The following HS3ST3A1 variants were observed in gnomAD, a reference collection of about 807,000 sequenced individuals.
The protein encoded by HS3ST3A1 is heparan sulfate glucosamine 3-O-sulfotransferase 3A1.
In HS3ST3A1, 19 loss-of-function variants were observed where a neutral mutation model predicts 25.7. That is an observed-to-expected ratio of 0.74 (90% confidence interval 0.52 to 1.08). The LOEUF (loss-of-function observed/expected upper bound fraction) is 1.08. Ranked by LOEUF, HS3ST3A1 falls within the 50% of genes least tolerant of loss-of-function variation. The probability of loss-of-function intolerance (pLI) is 0.00; values close to 1 mark genes in which losing one functional copy is unlikely to be tolerated. For missense variants in HS3ST3A1, 459 were observed against 594.3 expected (o/e 0.77, Z 2.37); for synonymous variants, 226 against 278.6 (o/e 0.81, Z 1.88).
intron 1 of HS3ST3A1, among the ~76,000 whole-genome samples, chr17:13,515,420 A>G (rs1040394805): frequency 6.6e-6 from 1 of 150,884 alleles, no homozygotes; most frequent in African/African-American, 2.4e-5. Context: ...TTCGCCTCCC[A>G]AAGTGCTGGG....
In HS3ST3A1 at chr17:13,600,516, G is replaced by T; in HGVS notation, c.599+15C>A. The T allele has an allele frequency of 6.3e-7, 1 of 1,581,280 alleles. No homozygotes were observed. ...CCCGGATCCTTCAGCCCCAGCCCGG[G>T]CCCGCCCCGCTCACCGGTACCAGGC... On this transcript the variant is annotated intron_variant, in intron 1 of 1. Coordinates refer to ENST00000284110, the MANE Select transcript of HS3ST3A1 (RefSeq NM_006042.3).
chr17:13,552,079 T>TTTGTTA (rs2033843270), intron 1 of HS3ST3A1, among the ~76,000 whole-genome samples: 2 of 151,840 alleles, frequency 1.3e-5, no homozygotes, highest in South Asian at 4.2e-4. Flanking sequence ...AACACTTTAT[T>TTTGTTA]TTTTTATTTT....
At chr17:13,497,491 T>C (rs1256845074) in intron 1 of HS3ST3A1, among the ~76,000 whole-genome samples, 1 of 152,242 alleles carries the variant, frequency 6.6e-6, no homozygotes, top group Non-Finnish European at 1.5e-5. Flanking sequence ...AAATTCTGAC[T>C]TTCTGTTGTT....
chr17:13,556,924 T>C (rs1360844143), intron 1 of HS3ST3A1, among the ~76,000 whole-genome samples: 2 of 151,390 alleles, frequency 1.3e-5, no homozygotes, highest in Non-Finnish European at 2.9e-5. Flanking sequence ...CAGCCATGCT[T>C]GCACATACTT....
intron 1 of HS3ST3A1, among the ~76,000 whole-genome samples, chr17:13,518,141 T>C (rs1818058294): frequency 6.6e-6 from 1 of 152,216 alleles, no homozygotes; most frequent in African/African-American, 2.4e-5. Context: ...GTCTGACTTG[T>C]ACAAATTTAA....
At chr17:13,499,906 G>A (rs1905411302) in intron 1 of HS3ST3A1, among the ~76,000 whole-genome samples, 1 of 152,120 alleles carries the variant, frequency 6.6e-6, no homozygotes, top group Non-Finnish European at 1.5e-5. Flanking sequence ...CTACCTGCAA[G>A]CTTCTTTCTG....
chr17:13,544,993 T>C (rs1907044510), intron 1 of HS3ST3A1, among the ~76,000 whole-genome samples: 2 of 152,176 alleles, frequency 1.3e-5, no homozygotes, highest in African/African-American at 4.8e-5. Flanking sequence ...AGATAACTGT[T>C]TATGAAAAGA....
intron 1 of HS3ST3A1, among the ~76,000 whole-genome samples, chr17:13,508,858 A>C (rs1905769421): frequency 6.6e-6 from 1 of 152,326 alleles, no homozygotes; most frequent in Non-Finnish European, 1.5e-5. Flanking sequence ...GAAAGGTAGG[A>C]ATATGTTGTA....
chr17:13,497,951 T>C (rs1349176385), intron 1 of HS3ST3A1, among the ~76,000 whole-genome samples: 1 of 152,200 alleles, frequency 6.6e-6, no homozygotes, highest in Non-Finnish European at 1.5e-5. Context: ...CAGTTATTAA[T>C]TCCCTGTGAT....
chr17:13,551,066 C>CA (rs3080921), intron 1 of HS3ST3A1, among the ~76,000 whole-genome samples: 24,562 of 123,340 alleles, frequency 0.2, 2,764 homozygotes, highest in African/African-American at 0.28. Context: ...GACTCTGTCT[C>CA]AAAAAAAAAA....
intron 1 of HS3ST3A1, among the ~76,000 whole-genome samples, chr17:13,575,588 G>T (rs1162085850): frequency 2.6e-5 from 4 of 152,142 alleles, no homozygotes; most frequent in East Asian, 1.9e-4. Context: ...AGCTCCTTCT[G>T]CCTGTATCTG....
intron 1 of HS3ST3A1, among the ~76,000 whole-genome samples, chr17:13,516,739 G>A (rs556987422): frequency 2.0e-5 from 3 of 152,216 alleles, no homozygotes; most frequent in Admixed American, 6.5e-5. Context: ...TTTTGGAAAC[G>A]TTTTCTTTCT....
rs1307718403 is a variant in HS3ST3A1, at chr17:13,495,044, T to TGA, written c.*1151_*1152dup. On this transcript the variant is annotated 3_prime_UTR_variant, in exon 2 of 2. Coordinates refer to ENST00000284110, the MANE Select transcript of HS3ST3A1 (RefSeq NM_006042.3). ...AGAGTACTAGCTCCAAAGTTAGAAGTGAGATATTACAAAGAAAGGTAGGTT... is the reference window on the plus strand; with the variant it reads ...AGAGTACTAGCTCCAAAGTTAGAAGTGAGAGATATTACAAAGAAAGGTAGGTT... Among the ~76,000 whole-genome samples, 3 of 152,098 alleles carry TGA rather than the reference T, an allele frequency of 2.0e-5. No individual in the cohort carries two copies.
At chr17:13,516,146 T>C (rs539595479) in intron 1 of HS3ST3A1, among the ~76,000 whole-genome samples, 1 of 152,082 alleles carries the variant, frequency 6.6e-6, no homozygotes, top group Non-Finnish European at 1.5e-5. Context: ...CCGTTGCTAC[T>C]AAAAATACAA....
At chr17:13,504,594 G>A (rs1280856883) in intron 1 of HS3ST3A1, among the ~76,000 whole-genome samples, 2 of 152,128 alleles carry the variant, frequency 1.3e-5, no homozygotes, top group Non-Finnish European at 2.9e-5. Context: ...TTCTTGAGCT[G>A]TGTCCCATGA....
Position 13,600,876 on chromosome 17 carries a change from G to C in HS3ST3A1, c.254C>G (p.Ala85Gly), listed in dbSNP as rs1447705492. ...PRELAVWPAA[A>G]QRKRLLQLPQ... Reference sequence around the variant, plus strand: ...CAGTTGCAGGAGGCGCTTTCTCTGTGCCGCCGCCGGCCACACCGCCAGCTC... The same window carrying C: ...CAGTTGCAGGAGGCGCTTTCTCTGTCCCGCCGCCGGCCACACCGCCAGCTC... The change falls in exon 1 of 2, where the codon GCA becomes GGA. Residue 85 changes from alanine to glycine, a missense_variant. Physicochemically the swap from Ala to Gly is moderately conservative, Grantham distance 60 (BLOSUM62 0). Coordinates refer to ENST00000284110, the MANE Select transcript of HS3ST3A1 (RefSeq NM_006042.3). 2 of 1,464,554 alleles carry C rather than the reference G, an allele frequency of 1.4e-6. No individual in the cohort carries two copies. Among genetic ancestry groups the C allele is most frequent in the Non-Finnish European group, 1.8e-6 (2 of 1,116,588 alleles). The allele number at this position is 1,464,554 out of a possible 1,614,324, so 90.7% of individuals were successfully genotyped here.
At chr17:13,546,801 T>A (rs1482078236) in intron 1 of HS3ST3A1, among the ~76,000 whole-genome samples, 2 of 152,194 alleles carry the variant, frequency 1.3e-5, no homozygotes, top group African/African-American at 4.8e-5. Context: ...CAAGCAGCAG[T>A]TGTTCAATAA....
rs1379635215 is a variant in HS3ST3A1, at chr17:13,600,737, G to A, written c.393C>T (p.Ser131=). 5.2e-6 allele frequency: 8 copies of A among 1,535,572 alleles called. No individual in the cohort carries two copies. The highest frequency in any genetic ancestry group is 7.0e-6 in the Non-Finnish European group (8 of 1,148,126). Residue 131 remains serine, a synonymous_variant, in exon 1 of 2, where the codon AGC becomes AGT. Transcript: ENST00000284110. ...SGGPGGSGAG[S]TVAEAPPGTL... ...TCCCCGGCGGGGCCTCGGCCACGGT[G>A]CTTCCGGCCCCGGAGCCGCCCGGAC...
chr17:13,582,013 T>C (rs1475400851), intron 1 of HS3ST3A1, among the ~76,000 whole-genome samples: 2 of 152,184 alleles, frequency 1.3e-5, no homozygotes, highest in African/African-American at 4.8e-5. Flanking sequence ...TTTCTTCCTA[T>C]TTTAAAATTA....
Sources: allele counts gnomAD v4.1 joint callset (sites outside exome capture counted in the v4.1 genomes callset), GRCh38; gene constraint gnomAD v4.1.1; transcripts MANE v1.5; gene names NCBI Gene and HGNC (gene_info 2026-07-23, HGNC 2026-07-21).